The following STRBP variants were observed in gnomAD, a reference collection of about 807,000 sequenced individuals.
STRBP encodes the protein spermatid perinuclear RNA-binding protein.
Under a neutral mutation model 80.1 loss-of-function variants are expected in STRBP, and 13 were observed. The ratio of observed to expected loss-of-function variants is 0.16; its 90% CI spans 0.11 to 0.26. The LOEUF is 0.26. Ranked by LOEUF, STRBP falls within the 10% of genes least tolerant of loss-of-function variation. STRBP has a pLI of 1.00. For synonymous variants in STRBP, 284 were observed against 291.2 expected (o/e 0.98, Z 0.25); for missense variants, 485 against 815.2 (o/e 0.59, Z 4.93).
At chr9:123,161,147 T>G in intron 6 of STRBP, 79 bp from the exon 7 acceptor site, 1 of 1,111,046 alleles carries the variant, frequency 9.0e-7, no homozygotes, top group Non-Finnish European at 1.3e-6. Context: ...CAATAAAAAA[T>G]AAAAAGAATA....
intron 2 of STRBP, among the ~76,000 whole-genome samples, chr9:123,222,781 T>C (rs961332775): frequency 6.6e-6 from 1 of 152,146 alleles, no homozygotes; most frequent in African/African-American, 2.4e-5. Context: ...ACCCAGATAG[T>C]TTCTCTTATG....
At chr9:123,180,932 C>T in intron 3 of STRBP, 2 of 984,932 alleles carry the variant, frequency 2.0e-6, no homozygotes, top group Non-Finnish European at 2.4e-6. Context: ...CTAAAACATT[C>T]TCAATTTTTT....
intron 1 of STRBP, among the ~76,000 whole-genome samples, chr9:123,252,180 T>C (rs1302566340): frequency 6.6e-6 from 1 of 152,208 alleles, no homozygotes; most frequent in Non-Finnish European, 1.5e-5. Context: ...AACGTGCTGA[T>C]TGCAGGACAG....
At chr9:123,168,038 A>G (rs186083024) in intron 6 of STRBP, among the ~76,000 whole-genome samples, 6 of 152,322 alleles carry the variant, frequency 3.9e-5, no homozygotes, top group Admixed American at 1.3e-4. Context: ...GCTGACAGAT[A>G]CAAGCAAACA....
At chr9:123,169,605 C>T (rs192451893) in intron 6 of STRBP, among the ~76,000 whole-genome samples, 2 of 152,146 alleles carry the variant, frequency 1.3e-5, no homozygotes, top group Non-Finnish European at 2.9e-5. Context: ...TAATGCAATA[C>T]TAGACAAAGT....
Position 123,115,927 on chromosome 9 carries a change from A to T in STRBP, c.*84+2T>A. On this transcript the variant is annotated splice_donor_variant and NMD_transcript_variant, in intron 3 of 3. Transcript: ENST00000471564. This position sits in a 1 kb window ranked among gnomAD's most constrained non-coding sequence, Gnocchi z 5.0. ...CAAATAAATATAATCCCTTAAAAATACCTGGCAGGAGTGCCCACGTTCTCT... is the reference window on the plus strand; with the variant it reads ...CAAATAAATATAATCCCTTAAAAATTCCTGGCAGGAGTGCCCACGTTCTCT... 1 of 435,844 alleles carries T rather than the reference A, an allele frequency of 2.3e-6. No individual in the cohort carries two copies. The highest frequency in any genetic ancestry group is 4.6e-6 in the Non-Finnish European group (1 of 219,086). 27.0% of individuals were successfully genotyped at this position (435,844 alleles called of 1,614,324 possible). A position where few individuals can be genotyped will look rare whatever the true frequency, so the allele number is the denominator to read the frequency against.
At chr9:123,233,732 T>C (rs1202276063) in intron 2 of STRBP, among the ~76,000 whole-genome samples, 1 of 152,244 alleles carries the variant, frequency 6.6e-6, no homozygotes, top group Non-Finnish European at 1.5e-5. Context: ...TGGGAAAGTC[T>C]ACATAAATAA....
chr9:123,174,497 T>C (rs1344409514), intron 4 of STRBP, among the ~76,000 whole-genome samples: 4 of 152,190 alleles, frequency 2.6e-5, no homozygotes, highest in Non-Finnish European at 5.9e-5. Context: ...GTGAGGAACA[T>C]GAATACCACT....
At chr9:123,170,142 T>G in intron 5 of STRBP, 96 bp from the exon 6 acceptor site, 1 of 1,221,052 alleles carries the variant, frequency 8.2e-7, no homozygotes, top group Non-Finnish European at 1.1e-6. Flanking sequence ...CGAATGTTAC[T>G]ATTAATATTA....
chr9:123,198,433 C>T (rs971463867), intron 2 of STRBP, among the ~76,000 whole-genome samples: 4 of 152,082 alleles, frequency 2.6e-5, no homozygotes, highest in African/African-American at 7.2e-5. Context: ...CCACGGCGCC[C>T]GGCCTTTTGC....
chr9:123,156,413 G>A (rs1233890558), intron 11 of STRBP, among the ~76,000 whole-genome samples: 1 of 151,860 alleles, frequency 6.6e-6, no homozygotes, highest in East Asian at 1.9e-4. Flanking sequence ...TTCTCCTGAG[G>A]AGTTTACAGT....
At chr9:123,113,931 A>G (rs1189778918) in intron 3 of STRBP, 1 of 167,158 alleles carries the variant, frequency 6.0e-6, no homozygotes, top group Admixed American at 6.5e-5. Flanking sequence ...GTTGTGGCAG[A>G]GACCACATGG....
intron 5 of STRBP, among the ~76,000 whole-genome samples, chr9:123,173,436 C>A (rs80031174): frequency 6.6e-6 from 1 of 151,992 alleles, no homozygotes; most frequent in African/African-American, 2.4e-5. Flanking sequence ...CAAGATACAA[C>A]GGAAAAGTTT....
intron 2 of STRBP, among the ~76,000 whole-genome samples, chr9:123,225,582 A>T (rs1455297355): frequency 6.6e-6 from 1 of 152,182 alleles, no homozygotes; most frequent in Non-Finnish European, 1.5e-5. Context: ...GTCCTCAGAA[A>T]ATCTATTCTG....
At chr9:123,215,169 C>A (rs914352451) in intron 2 of STRBP, among the ~76,000 whole-genome samples, 1 of 152,056 alleles carries the variant, frequency 6.6e-6, no homozygotes, top group African/African-American at 2.4e-5. Flanking sequence ...TGGGCTCAAG[C>A]GATCCTCCCA....
At chr9:123,177,370 A>G (rs948513325) in intron 4 of STRBP, among the ~76,000 whole-genome samples, 3 of 152,084 alleles carry the variant, frequency 2.0e-5, no homozygotes, top group Non-Finnish European at 4.4e-5. Flanking sequence ...TCGAGACCAA[A>G]TTCGGCAATG....
chr9:123,196,272 T>C (rs1336482476), intron 2 of STRBP, among the ~76,000 whole-genome samples: 1 of 152,048 alleles, frequency 6.6e-6, no homozygotes, highest in African/African-American at 2.4e-5. Flanking sequence ...ATAAAACTAC[T>C]AAAAGAAAAC....
At chr9:123,218,215 T>C (rs976160178) in intron 2 of STRBP, among the ~76,000 whole-genome samples, 3 of 152,148 alleles carry the variant, frequency 2.0e-5, no homozygotes, top group Non-Finnish European at 4.4e-5. Context: ...TTTTCTTCAC[T>C]GTTCTTCACC....
intron 2 of STRBP, among the ~76,000 whole-genome samples, chr9:123,193,482 C>G (rs1248454180): frequency 6.6e-6 from 1 of 152,138 alleles, no homozygotes; most frequent in African/African-American, 2.4e-5. Context: ...AAACCCTATC[C>G]CATTCCTTCA....
Sources: allele counts gnomAD v4.1 joint callset (sites outside exome capture counted in the v4.1 genomes callset), GRCh38; gene constraint gnomAD v4.1.1; non-coding constraint Gnocchi (gnomAD v3.1); transcripts MANE v1.5; gene names NCBI Gene and HGNC (gene_info 2026-07-23, HGNC 2026-07-21).